The following NANOS1 variants were observed in gnomAD, a reference collection of about 807,000 sequenced individuals.
NANOS1 encodes nanos homolog 1.
Under a neutral mutation model 1.1 loss-of-function variants are expected in NANOS1, and 1 was observed. The ratio of observed to expected loss-of-function variants is 0.88; its 90% CI spans 0.31 to 4.20. The LOEUF is 4.20. NANOS1 is among the 30% of genes most tolerant of loss of function. The probability of loss-of-function intolerance (pLI) is 0.17; values close to 1 mark genes in which losing one functional copy is unlikely to be tolerated. For missense variants in NANOS1, 537 were observed against 457.9 expected (o/e 1.17, Z -1.58); for synonymous variants, 252 against 230.6 (o/e 1.09, Z -0.84).
chr10:119,030,225 G>A lies in NANOS1; in HGVS notation c.424G>A (p.Gly142Arg). ...LELCAGPAEA[G>R]LLEERFAELS... Reference sequence around the variant, plus strand: ...GCTGTGCGCGGGCCCCGCCGAGGCCGGGCTGCTGGAGGAGCGCTTCGCCGA... The same window carrying A: ...GCTGTGCGCGGGCCCCGCCGAGGCCAGGCTGCTGGAGGAGCGCTTCGCCGA... The change falls in exon 1 of 1, where the codon GGG (glycine) becomes AGG (arginine). Residue 142 changes from glycine to arginine, a missense_variant. Transcript: ENST00000425699. This position sits in a 1 kb window ranked among gnomAD's most constrained non-coding sequence, Gnocchi z 5.3. 2.3e-6 allele frequency: 3 copies of A among 1,284,160 alleles called. No homozygotes were observed. The highest frequency in any genetic ancestry group is 2.6e-5 in the South Asian group (1 of 37,946). The allele number at this position is 1,284,160 out of a possible 1,614,324, so 79.5% of individuals were successfully genotyped here.
At position 119,029,813 on chromosome 10, in the gene NANOS1, C is replaced by T. The variant is rs1156520234; in HGVS notation, c.12C>T (p.Phe4=). The T allele has an allele frequency of 1.7e-5, 19 of 1,136,096 alleles. No homozygotes were observed. Among genetic ancestry groups the T allele is most frequent in the East Asian group, 1.4e-4 (3 of 21,756 alleles). 70.4% of individuals were successfully genotyped at this position (1,136,096 alleles called of 1,614,324 possible). A position where few individuals can be genotyped will look rare whatever the true frequency, so the allele number is the denominator to read the frequency against. Reference sequence around the variant, plus strand: ...CCCGCAGCCCGCCCATGGAGGCTTTCCCCTGGGCGCCCCGCTCGCCCCGCC... The same window carrying T: ...CCCGCAGCCCGCCCATGGAGGCTTTTCCCTGGGCGCCCCGCTCGCCCCGCC... MEA[F]PWAPRSPRRG... is the part of the protein sequence containing the mutation. Residue 4 remains phenylalanine (F), a synonymous_variant, in exon 1 of 1, where the codon TTC becomes TTT. Transcript: ENST00000425699.
chr10:119,030,208 CG>C lies in NANOS1; in HGVS notation c.410del (p.Gly137AlafsTer15). 7.7e-7 allele frequency: 1 copy of C among 1,293,106 alleles called. No homozygotes were observed. The highest frequency in any genetic ancestry group is 1.5e-5 in the African/African-American group (1 of 64,890). 80.1% of individuals were successfully genotyped at this position (1,293,106 alleles called of 1,614,324 possible). A position where few individuals can be genotyped will look rare whatever the true frequency, so the allele number is the denominator to read the frequency against. The stretch of plus-strand genomic sequence containing the variant: ...GAATTGCGCGCGCTGGAGCTGTGCG[CG>C]GGCCCCGCCGAGGCCGGGCTGCTGG... ...ALELRALELC[A>X]GPAEAGLLEE... On this transcript the variant is annotated frameshift_variant, in exon 1 of 1. Coordinates refer to ENST00000425699, the MANE Select transcript of NANOS1 (RefSeq NM_199461.4). LOFTEE classifies it low-confidence loss of function (END_TRUNC). This position sits in a 1 kb window ranked among gnomAD's most constrained non-coding sequence, Gnocchi z 5.3.
chr10:119,030,741 C>G lies in NANOS1; in HGVS notation c.*61C>G. 8.0e-7 allele frequency: 1 copy of G among 1,247,820 alleles called. No individual in the cohort carries two copies. Among genetic ancestry groups the G allele is most frequent in the African/African-American group, 1.6e-5 (1 of 63,662 alleles). 77.3% of individuals were successfully genotyped at this position (1,247,820 alleles called of 1,614,324 possible). On this transcript the variant is annotated 3_prime_UTR_variant, in exon 1 of 1. Coordinates refer to ENST00000425699, the MANE Select transcript of NANOS1 (RefSeq NM_199461.4). The surrounding 1 kb of genome is among the most constrained non-coding windows in gnomAD (Gnocchi z 5.3). ...CCCCTCGCACCGCTAGGTCTGCGCA[C>G]CATCTCGCCCCCGCCGTGGGGAGGC... is the stretch of plus-strand genomic sequence containing the variant.
rs1386505407 is a variant in NANOS1 at position 119,030,084 on chromosome 10, G to A, written c.283G>A (p.Ala95Thr). ...CSPHTGAGPG[A>T]LGPALGPPDY... ...CCCCCACACGGGGGCCGGGCCTGGG[G>A]CGCTGGGGCCGGCGCTGGGGCCGCC... is the stretch of plus-strand genomic sequence containing the variant. The change falls in exon 1 of 1, where the codon GCG (alanine) becomes ACG (threonine). Residue 95 changes from alanine (A) to threonine (T), a missense_variant. Physicochemically the swap from Ala to Thr is moderately conservative, Grantham distance 58. Coordinates refer to ENST00000425699, the MANE Select transcript of NANOS1 (RefSeq NM_199461.4). This position sits in a 1 kb window ranked among gnomAD's most constrained non-coding sequence, Gnocchi z 5.3. The A allele has an allele frequency of 7.6e-7, 1 of 1,313,762 alleles. No homozygotes were observed. Among genetic ancestry groups the A allele is most frequent in the Non-Finnish European group, 9.6e-7 (1 of 1,037,002 alleles). The allele number at this position is 1,313,762 out of a possible 1,614,324, so 81.4% of individuals were successfully genotyped here.
In NANOS1 at chr10:119,029,761, C is replaced by T. The variant is rs1234005923; in HGVS notation, c.-41C>T. ...CGGCGTGTCCCTTCCGTCCGGCCCG[C>T]GCCGGCGGCGGGGAGGCGGCGCGCG... On this transcript the variant is annotated 5_prime_UTR_variant, in exon 1 of 1. Transcript: ENST00000425699. 5 of 972,178 alleles carry T rather than the reference C, an allele frequency of 5.1e-6. No homozygotes were observed. The East Asian group carries it at 4.6e-4, about 89-fold the overall frequency. 60.2% of individuals were successfully genotyped at this position (972,178 alleles called of 1,614,324 possible). A position where few individuals can be genotyped will look rare whatever the true frequency, so the allele number is the denominator to read the frequency against.
chr10:119,030,791 A>T lies in NANOS1; in HGVS notation c.*111A>T. On this transcript the variant is annotated 3_prime_UTR_variant, in exon 1 of 1. Transcript: ENST00000425699. The surrounding 1 kb of genome is among the most constrained non-coding windows in gnomAD (Gnocchi z 5.3). ...CGTGCGGCTCAGCGGTCGGCTCGAC[A>T]TGGGACGTCGTCCTGGTGGTTTTTG... 1 of 1,224,204 alleles carries T rather than the reference A, an allele frequency of 8.2e-7. No homozygotes were observed. The highest frequency in any genetic ancestry group is 1.0e-6 in the Non-Finnish European group (1 of 973,524). 75.8% of individuals were successfully genotyped at this position (1,224,204 alleles called of 1,614,324 possible).
In NANOS1 at chr10:119,030,174, AGCGCGCTGGAATTGC is replaced by A. The variant is rs767206155; in HGVS notation, c.384_398del (p.Arg130_Leu134del). ...GGGGTCCCGGGGCCGCTACCTGGGG[AGCGCGCTGGAATTGC>A]GCGCGCTGGAGCTGTGCGCGGGCCC... On this transcript the variant is annotated inframe_deletion, in exon 1 of 1. Coordinates refer to ENST00000425699, the MANE Select transcript of NANOS1 (RefSeq NM_199461.4). This position sits in a 1 kb window ranked among gnomAD's most constrained non-coding sequence, Gnocchi z 5.3. 7.4e-6 allele frequency: 10 copies of A among 1,345,694 alleles called. No homozygotes were observed. Among genetic ancestry groups the A allele is most frequent in the South Asian group, 1.9e-5 (1 of 52,916 alleles). 83.4% of individuals were successfully genotyped at this position (1,345,694 alleles called of 1,614,324 possible).
In NANOS1 at chr10:119,033,623, A is replaced by C. The variant is rs1331591932; in HGVS notation, c.*2943A>C. 1 of 166,814 alleles carries C rather than the reference A, an allele frequency of 6.0e-6. No individual in the cohort carries two copies. The highest frequency in any genetic ancestry group is 2.4e-5 in the African/African-American group (1 of 41,468). 10.3% of individuals were successfully genotyped at this position (166,814 alleles called of 1,614,324 possible). A position where few individuals can be genotyped will look rare whatever the true frequency, so the allele number is the denominator to read the frequency against. On this transcript the variant is annotated 3_prime_UTR_variant, in exon 1 of 1. Coordinates refer to ENST00000425699, the MANE Select transcript of NANOS1 (RefSeq NM_199461.4). ...TTCTTTGTATTTTAATTTTCCTACA[A>C]AGTCCTTTTTGGAAGTTGCAGAATT...
At position 119,030,617 on chromosome 10, in the gene NANOS1, GCCGC is replaced by G. The variant is rs746095721; in HGVS notation, c.830_833del (p.Pro277ArgfsTer73). The G allele has an allele frequency of 2.0e-4, 287 of 1,470,084 alleles. 1 individual carries two copies. The highest frequency in any genetic ancestry group is 9.2e-4 in the South Asian group (66 of 71,852). 91.1% of individuals were successfully genotyped at this position (1,470,084 alleles called of 1,614,324 possible). A position where few individuals can be genotyped will look rare whatever the true frequency, so the allele number is the denominator to read the frequency against. ...ACTGCCCGCTCTCCAAAGTGCCGCC[GCCGC>G]CCGCCCGCCCGCCGCCCCGCAGCGC... On this transcript the variant is annotated frameshift_variant, in exon 1 of 1. Coordinates refer to ENST00000425699, the MANE Select transcript of NANOS1 (RefSeq NM_199461.4). LOFTEE classifies it high-confidence loss of function. The surrounding 1 kb of genome is among the most constrained non-coding windows in gnomAD (Gnocchi z 5.3).
At position 119,029,765 on chromosome 10, in the gene NANOS1, G is replaced by C. The variant is rs1464277807; in HGVS notation, c.-37G>C. On this transcript the variant is annotated 5_prime_UTR_variant, in exon 1 of 1. Coordinates refer to ENST00000425699, the MANE Select transcript of NANOS1 (RefSeq NM_199461.4). ...GTGTCCCTTCCGTCCGGCCCGCGCC[G>C]GCGGCGGGGAGGCGGCGCGCGGCCC... The C allele has an allele frequency of 3.1e-6, 3 of 975,894 alleles. No individual in the cohort carries two copies. Among genetic ancestry groups the C allele is most frequent in the South Asian group, 4.7e-5 (1 of 21,306 alleles). The allele number at this position is 975,894 out of a possible 1,614,324, so 60.5% of individuals were successfully genotyped here. A position where few individuals can be genotyped will look rare whatever the true frequency, so the allele number is the denominator to read the frequency against.
Position 119,030,794 on chromosome 10 carries a change from G to A in NANOS1, c.*114G>A, listed in dbSNP as rs2119810852. The stretch of plus-strand genomic sequence containing the variant: ...GCGGCTCAGCGGTCGGCTCGACATG[G>A]GACGTCGTCCTGGTGGTTTTTGAAA... On this transcript the variant is annotated 3_prime_UTR_variant, in exon 1 of 1. Transcript: ENST00000425699. This position sits in a 1 kb window ranked among gnomAD's most constrained non-coding sequence, Gnocchi z 5.3. 2 of 1,222,788 alleles carry A rather than the reference G, an allele frequency of 1.6e-6. No homozygotes were observed. The highest frequency in any genetic ancestry group is 3.2e-5 in the African/African-American group (2 of 63,188). 75.7% of individuals were successfully genotyped at this position (1,222,788 alleles called of 1,614,324 possible). A position where few individuals can be genotyped will look rare whatever the true frequency, so the allele number is the denominator to read the frequency against.
At position 119,029,983 on chromosome 10, in the gene NANOS1, C is replaced by A; in HGVS notation, c.182C>A (p.Pro61Gln). 7.1e-7 allele frequency: 1 copy of A among 1,412,606 alleles called. No individual in the cohort carries two copies. Among genetic ancestry groups the A allele is most frequent in the South Asian group, 1.5e-5 (1 of 67,878 alleles). The allele number at this position is 1,412,606 out of a possible 1,614,324, so 87.5% of individuals were successfully genotyped here. A position where few individuals can be genotyped will look rare whatever the true frequency, so the allele number is the denominator to read the frequency against. ...TLITKAVDGE[P>Q]RFGCARGGNG... is the part of the protein sequence containing the mutation. ...ATCACCAAAGCGGTGGACGGCGAGC[C>A]GCGCTTCGGCTGCGCCCGCGGTGGG... The change falls in exon 1 of 1, where the codon CCG (proline) becomes CAG (glutamine). Residue 61 changes from proline to glutamine, a missense_variant. Pro to Gln is a moderately conservative substitution (Grantham distance 76, BLOSUM62 -1). Coordinates refer to ENST00000425699, the MANE Select transcript of NANOS1 (RefSeq NM_199461.4).
In NANOS1 at chr10:119,033,681, A is replaced by T. The variant is rs1300110964; in HGVS notation, c.*3001A>T. The T allele has an allele frequency of 1.2e-5, 2 of 166,468 alleles. No homozygotes were observed. Among genetic ancestry groups the T allele is most frequent in the African/African-American group, 4.8e-5 (2 of 41,456 alleles). The allele number at this position is 166,468 out of a possible 1,614,324, so 10.3% of individuals were successfully genotyped here. On this transcript the variant is annotated 3_prime_UTR_variant, in exon 1 of 1. Coordinates refer to ENST00000425699, the MANE Select transcript of NANOS1 (RefSeq NM_199461.4). ...TTGATGAGAACAACTTTTGTCATAG[A>T]TTTGATTTATTAAACCAAAATTATA... is the stretch of plus-strand genomic sequence containing the variant.
chr10:119,029,756 G>C lies in NANOS1; in HGVS notation c.-46G>C, dbSNP rs1056255475. ...AGGCTCGGCGTGTCCCTTCCGTCCGGCCCGCGCCGGCGGCGGGGAGGCGGC... is the reference window on the plus strand; with the variant it reads ...AGGCTCGGCGTGTCCCTTCCGTCCGCCCCGCGCCGGCGGCGGGGAGGCGGC... On this transcript the variant is annotated 5_prime_UTR_variant, in exon 1 of 1. Coordinates refer to ENST00000425699, the MANE Select transcript of NANOS1 (RefSeq NM_199461.4). 4 of 967,396 alleles carry C rather than the reference G, an allele frequency of 4.1e-6. No homozygotes were observed. In the African/African-American group the frequency reaches 5.3e-5, roughly 13 times the overall value. 59.9% of individuals were successfully genotyped at this position (967,396 alleles called of 1,614,324 possible).
Position 119,029,906 on chromosome 10 carries a change from G to A in NANOS1, c.105G>A (p.Ala35=). 3.6e-6 allele frequency: 5 copies of A among 1,390,434 alleles called. No individual in the cohort carries two copies. The South Asian group carries it at 4.7e-5, about 13-fold the overall frequency. 86.1% of individuals were successfully genotyped at this position (1,390,434 alleles called of 1,614,324 possible). A position where few individuals can be genotyped will look rare whatever the true frequency, so the allele number is the denominator to read the frequency against. ...GCTACGTGAGCGCCCCGGGCCCGGC[G>A]CACCCGCAGCCCTTCAGCTCCTGGA... ...SARYVSAPGP[A]HPQPFSSWND... is the part of the protein sequence containing the mutation. Residue 35 remains alanine (A), a synonymous_variant, in exon 1 of 1, where the codon GCG becomes GCA. Coordinates refer to ENST00000425699, the MANE Select transcript of NANOS1 (RefSeq NM_199461.4).
rs1442495400 is a variant in NANOS1, at chr10:119,030,157, G to C, written c.356G>C (p.Arg119Pro). Residue 119 changes from arginine (R) to proline (P), a missense_variant, in exon 1 of 1, where the codon CGG (arginine) becomes CCG (proline). Coordinates refer to ENST00000425699, the MANE Select transcript of NANOS1 (RefSeq NM_199461.4). The surrounding 1 kb of genome is among the most constrained non-coding windows in gnomAD (Gnocchi z 5.3). ...GACGACAGCGACGAGCCGGGGTCCC[G>C]GGGCCGCTACCTGGGGAGCGCGCTG... The part of the protein sequence containing the change: ...DDDDSDEPGS[R>P]GRYLGSALEL... 1.5e-6 allele frequency: 2 copies of C among 1,356,824 alleles called. No individual in the cohort carries two copies. Among genetic ancestry groups the C allele is most frequent in the African/African-American group, 1.5e-5 (1 of 65,630 alleles). 84.0% of individuals were successfully genotyped at this position (1,356,824 alleles called of 1,614,324 possible).
At position 119,030,677 on chromosome 10, in the gene NANOS1, C is replaced by A; in HGVS notation, c.876C>A (p.Arg292=). 2 of 1,315,736 alleles carry A rather than the reference C, an allele frequency of 1.5e-6. No homozygotes were observed. The highest frequency in any genetic ancestry group is 1.9e-6 in the Non-Finnish European group (2 of 1,035,054). 81.5% of individuals were successfully genotyped at this position (1,315,736 alleles called of 1,614,324 possible). The part of the protein sequence containing the change: ...ARDGPPGKKL[R] ...ACGGCCCGCCTGGCAAGAAGCTGCG[C>A]TGAAGGCCCGGGCTCCCGGCCGCCC... Residue 292 remains arginine, a synonymous_variant, in exon 1 of 1, where the codon CGC becomes CGA. Transcript: ENST00000425699. This position sits in a 1 kb window ranked among gnomAD's most constrained non-coding sequence, Gnocchi z 5.3.
chr10:119,030,391 C>G lies in NANOS1; in HGVS notation c.590C>G (p.Ala197Gly). ...PAWAAEPRLH[A>G]ASGAAAARLL... ...TGGGCGGCCGAGCCCCGGCTGCACG[C>G]GGCCTCCGGGGCGGCGGCCGCCCGG... The change falls in exon 1 of 1, where the codon GCG becomes GGG. Residue 197 changes from alanine (A) to glycine (G), a missense_variant. Physicochemically the swap from Ala to Gly is moderately conservative, Grantham distance 60. Transcript: ENST00000425699. This position sits in a 1 kb window ranked among gnomAD's most constrained non-coding sequence, Gnocchi z 5.3. 2.3e-6 allele frequency: 3 copies of G among 1,277,302 alleles called. No homozygotes were observed. The highest frequency in any genetic ancestry group is 5.0e-4 in the Middle Eastern group (2 of 3,966). The allele number at this position is 1,277,302 out of a possible 1,614,324, so 79.1% of individuals were successfully genotyped here. A position where few individuals can be genotyped will look rare whatever the true frequency, so the allele number is the denominator to read the frequency against.
In NANOS1 at chr10:119,032,565, C is replaced by T. The variant is rs538421503; in HGVS notation, c.*1885C>T. 6.0e-5 allele frequency: 10 copies of T among 167,222 alleles called. No homozygotes were observed. In the South Asian group the frequency reaches 1.9e-3, roughly 31 times the overall value. The allele number at this position is 167,222 out of a possible 1,614,324, so 10.4% of individuals were successfully genotyped here. A position where few individuals can be genotyped will look rare whatever the true frequency, so the allele number is the denominator to read the frequency against. On this transcript the variant is annotated 3_prime_UTR_variant, in exon 1 of 1. Coordinates refer to ENST00000425699, the MANE Select transcript of NANOS1 (RefSeq NM_199461.4). ...GAATCCTCTTACCTCTCTCACTGCTCGTGTTCTGCCTTTTCAAAAGGACCA... is the reference window on the plus strand; with the variant it reads ...GAATCCTCTTACCTCTCTCACTGCTTGTGTTCTGCCTTTTCAAAAGGACCA...
Sources: allele counts gnomAD v4.1 joint callset, GRCh38; gene constraint gnomAD v4.1.1; non-coding constraint Gnocchi (gnomAD v3.1); transcripts MANE v1.5; gene names NCBI Gene and HGNC (gene_info 2026-07-23, HGNC 2026-07-21).